GTSE1: variants seen among roughly 807,000 people sequenced by gnomAD.
GTSE1 encodes G2 and S-phase expressed 1, also known as G2 and S phase-expressed protein 1.
GTSE1 carries 52 observed loss-of-function variants against 60.5 expected under a neutral mutation model. That is an observed-to-expected ratio of 0.86 (90% CI 0.69 to 1.08). The LOEUF (loss-of-function observed/expected upper bound fraction) is 1.08, where lower values mean the gene tolerates loss of function less well. Ranked by LOEUF, GTSE1 falls within the 50% of genes least tolerant of loss-of-function variation. The probability of loss-of-function intolerance (pLI) is 0.00; values close to 1 mark genes in which losing one functional copy is unlikely to be tolerated. For missense variants in GTSE1, 937 were observed against 961.8 expected (o/e 0.97, Z 0.34); for synonymous variants, 368 against 386.5 (o/e 0.95, Z 0.56).
intron 8 of GTSE1, among the ~76,000 whole-genome samples, chr22:46,325,753 C>T (rs1366308134): frequency 6.6e-6 from 1 of 152,226 alleles, no homozygotes; most frequent in Non-Finnish European, 1.5e-5. Context: ...ACCTTGGGGG[C>T]TAGGATTTCA....
chr22:46,306,473 G>A (rs565289360), intron 2 of GTSE1, among the ~76,000 whole-genome samples: 1 of 147,438 alleles, frequency 6.8e-6, no homozygotes, highest in South Asian at 2.2e-4. Flanking sequence ...GAGCCATTGC[G>A]CCCAGCCTGT....
In GTSE1 at chr22:46,313,855, C is replaced by A; in HGVS notation, c.928-35C>A. 3 of 1,612,772 alleles carry A rather than the reference C, an allele frequency of 1.9e-6. No homozygotes were observed. The highest frequency in any genetic ancestry group is 1.7e-4 in the Middle Eastern group (1 of 6,056). On this transcript the variant is annotated intron_variant, in intron 5 of 11. Transcript: ENST00000454366. The surrounding 1 kb of genome is among the most constrained non-coding windows in gnomAD (Gnocchi z 4.4). ...ACAAGTAATAGGTAAATAACGAGAT[C>A]TTTGCTGATTCTGTTTTTTCACATT...
At position 46,329,505 on chromosome 22, in the gene GTSE1, C is replaced by G. The variant is rs2077864102; in HGVS notation, c.2074C>G (p.Leu692Val). 1 of 1,614,072 alleles carries G rather than the reference C, an allele frequency of 6.2e-7. No homozygotes were observed. Among genetic ancestry groups the G allele is most frequent in the African/African-American group, 1.3e-5 (1 of 74,926 alleles). The change falls in exon 11 of 12, where the codon CTC becomes GTC. Residue 692 changes from leucine (L) to valine (V), a missense_variant. By Grantham distance (32) the Leu-to-Val change is conservative. Coordinates refer to ENST00000454366, the MANE Select transcript of GTSE1 (RefSeq NM_016426.7). The surrounding 1 kb of genome is among the most constrained non-coding windows in gnomAD (Gnocchi z 6.4). ...VGSESRPLIDLMTNTPDMNKN... is the reference protein window; with the variant it reads ...VGSESRPLIDVMTNTPDMNKN... ...ATCTGAAAGCAGGCCTCTGATCGACCTCATGACAAACACTCCAGACATGAA... is the reference window on the plus strand; with the variant it reads ...ATCTGAAAGCAGGCCTCTGATCGACGTCATGACAAACACTCCAGACATGAA...
Position 46,309,310 on chromosome 22 carries a change from C to T in GTSE1, c.762+367C>T, listed in dbSNP as rs963307888. Among the ~76,000 whole-genome samples, 1 of 152,238 alleles carries T rather than the reference C, an allele frequency of 6.6e-6. No homozygotes were observed. ...CTTGACCGTGCCTCAGTTTACACTGCATTCCTCCTGGGCACTGAGTGAGGT... is the reference window on the plus strand; with the variant it reads ...CTTGACCGTGCCTCAGTTTACACTGTATTCCTCCTGGGCACTGAGTGAGGT... On this transcript the variant is annotated intron_variant, in intron 4 of 11. Coordinates refer to ENST00000454366, the MANE Select transcript of GTSE1 (RefSeq NM_016426.7). The surrounding 1 kb of genome is among the most constrained non-coding windows in gnomAD (Gnocchi z 6.2).
rs930793541 is a variant in GTSE1, at chr22:46,317,639, T to G, written c.1432+1227T>G. ...GATTTTGTTGTCTTTCTCTGAGGAG[T>G]TGGGTTGGGCTTGGCAGGCAGTTAA... On this transcript the variant is annotated intron_variant, in intron 7 of 11. Transcript: ENST00000454366. This position sits in a 1 kb window ranked among gnomAD's most constrained non-coding sequence, Gnocchi z 5.6. Among the ~76,000 whole-genome samples, 1 of 152,080 alleles carries G rather than the reference T, an allele frequency of 6.6e-6. No individual in the cohort carries two copies. Among genetic ancestry groups the G allele is most frequent in the Non-Finnish European group, 1.5e-5 (1 of 68,022 alleles).
intron 5 of GTSE1, 107 bp downstream of exon 5, chr22:46,312,412 G>A (rs1368807545): frequency 7.5e-6 from 8 of 1,072,704 alleles, no homozygotes; most frequent in Non-Finnish European, 8.0e-6. Context: ...GGCCAAGGTG[G>A]GAGGATCACT....
chr22:46,303,509 T>A (rs1303640540), intron 2 of GTSE1, among the ~76,000 whole-genome samples: 1 of 152,230 alleles, frequency 6.6e-6, no homozygotes, highest in East Asian at 1.9e-4. Flanking sequence ...GTGATCATGT[T>A]ACCTCCACAT....
intron 4 of GTSE1, among the ~76,000 whole-genome samples, chr22:46,311,541 A>T (rs2077748836): frequency 6.6e-6 from 1 of 152,224 alleles, no homozygotes; most frequent in African/African-American, 2.4e-5. Context: ...AAAGGGAAAA[A>T]GTTACTGCTG....
intron 2 of GTSE1, among the ~76,000 whole-genome samples, chr22:46,303,974 G>A (rs2077703228): frequency 6.6e-6 from 1 of 152,114 alleles, no homozygotes; most frequent in Admixed American, 6.6e-5. Context: ...CCCCTCTGCA[G>A]ACATATAGTT....
In GTSE1 at chr22:46,317,219, G is replaced by A. The variant is rs928697791; in HGVS notation, c.1432+807G>A. On this transcript the variant is annotated intron_variant, in intron 7 of 11. Transcript: ENST00000454366. The surrounding 1 kb of genome is among the most constrained non-coding windows in gnomAD (Gnocchi z 5.6). ...TGACCTCAAGTGACCCACCCATCTC[G>A]GCCTCTCAAACTGCTGGGATTATAG... 1.5e-4 allele frequency among the ~76,000 whole-genome samples: 23 copies of A among 152,040 alleles called. No homozygotes were observed. Among genetic ancestry groups the A allele is most frequent in the South Asian group, 4.1e-4 (2 of 4,820 alleles).
rs1485774626 is a variant in GTSE1 at position 46,321,041 on chromosome 22, G to A, written c.1433-2149G>A. On this transcript the variant is annotated intron_variant, in intron 7 of 11. Transcript: ENST00000454366. The surrounding 1 kb of genome is among the most constrained non-coding windows in gnomAD (Gnocchi z 4.0). The stretch of plus-strand genomic sequence containing the variant: ...AGGCGGCAAGGGAGAGGGAGGCGGC[G>A]AGGGAGAGAGAGGTGGGCTTGCCTC... Among the ~76,000 whole-genome samples, 1 of 151,966 alleles carries A rather than the reference G, an allele frequency of 6.6e-6. No homozygotes were observed. Among genetic ancestry groups the A allele is most frequent in the Admixed American group, 6.6e-5 (1 of 15,252 alleles).
Position 46,311,278 on chromosome 22 carries a change from A to G in GTSE1, c.763-863A>G, listed in dbSNP as rs568704405. 1.1e-3 allele frequency among the ~76,000 whole-genome samples: 162 copies of G among 152,088 alleles called. 1 individual carries two copies. The highest frequency in any genetic ancestry group is 3.8e-3 in the African/African-American group (157 of 41,492). ...TTTTTAGTAGAGACAGGGTTTCATC[A>G]TATTAGTCAGGCTGGTCTCAAACTC... is the stretch of plus-strand genomic sequence containing the variant. On this transcript the variant is annotated intron_variant, in intron 4 of 11. Transcript: ENST00000454366.
chr22:46,307,985 T>C (rs1224360917), intron 2 of GTSE1, among the ~76,000 whole-genome samples, 165 bp from the exon 3 acceptor site: 1 of 152,128 alleles, frequency 6.6e-6, no homozygotes. Flanking sequence ...GGAAAAAATA[T>C]AACTTAGAGC....
chr22:46,319,207 G>A lies in GTSE1; in HGVS notation c.1432+2795G>A, dbSNP rs553933080. ...CCGAGGCCGGCTCCCAGAGCGCCGC[G>A]TGACCAGAGCGGACCCTGGAGTACC... is the stretch of plus-strand genomic sequence containing the variant. On this transcript the variant is annotated intron_variant, in intron 7 of 11. Coordinates refer to ENST00000454366, the MANE Select transcript of GTSE1 (RefSeq NM_016426.7). The surrounding 1 kb of genome is among the most constrained non-coding windows in gnomAD (Gnocchi z 5.0). 1.2e-4 allele frequency among the ~76,000 whole-genome samples: 18 copies of A among 152,320 alleles called. No individual in the cohort carries two copies. Among genetic ancestry groups the A allele is most frequent in the African/African-American group, 3.1e-4 (13 of 41,586 alleles).
chr22:46,301,352 G>T (rs1252144108), intron 2 of GTSE1, among the ~76,000 whole-genome samples: 1 of 152,122 alleles, frequency 6.6e-6, no homozygotes, highest in African/African-American at 2.4e-5. Context: ...CTAGAGAGCT[G>T]TGATAATTTA....
rs1429110854 is a variant in GTSE1 at position 46,321,482 on chromosome 22, C to T, written c.1433-1708C>T. Among the ~76,000 whole-genome samples the T allele has an allele frequency of 3.3e-5, 5 of 152,148 alleles. No homozygotes were observed. Among genetic ancestry groups the T allele is most frequent in the African/African-American group, 4.8e-5 (2 of 41,448 alleles). ...GGAGCATGTTTGACTCAGCTGTGTG[C>T]GAGCTGCGCGCCTCTCCAGTGCTGG... is the stretch of plus-strand genomic sequence containing the variant. On this transcript the variant is annotated intron_variant, in intron 7 of 11. Coordinates refer to ENST00000454366, the MANE Select transcript of GTSE1 (RefSeq NM_016426.7). The surrounding 1 kb of genome is among the most constrained non-coding windows in gnomAD (Gnocchi z 4.0).
At chr22:46,312,027 G>T (rs6008613) in intron 4 of GTSE1, 114 bp from the exon 5 acceptor site, 82,950 of 778,792 alleles carry the variant, frequency 0.11, 5,869 homozygotes, top group African/African-American at 0.29. Flanking sequence ...GAATGGAGGG[G>T]CATGTGTAGC....
rs2077759514 is a variant in GTSE1 at position 46,313,305 on chromosome 22, A to G, written c.928-585A>G. ...GTGTGTACTGGCAGTTCTTGTTAGA[A>G]CTGCCCAAAGCTGGGCCCTGCAGCT... is the stretch of plus-strand genomic sequence containing the variant. On this transcript the variant is annotated intron_variant, in intron 5 of 11. Transcript: ENST00000454366. The surrounding 1 kb of genome is among the most constrained non-coding windows in gnomAD (Gnocchi z 4.4). Among the ~76,000 whole-genome samples, 1 of 152,022 alleles carries G rather than the reference A, an allele frequency of 6.6e-6. No homozygotes were observed. The highest frequency in any genetic ancestry group is 6.6e-5 in the Admixed American group (1 of 15,266).
At chr22:46,325,541 G>T (rs1243383366) in intron 8 of GTSE1, among the ~76,000 whole-genome samples, 2 of 152,190 alleles carry the variant, frequency 1.3e-5, no homozygotes, top group African/African-American at 4.8e-5. Flanking sequence ...TGTTGCCCAG[G>T]CTGGAGTGCA....
Sources: gnomAD v4.1 joint callset for allele counts (sites outside exome capture counted in the v4.1 genomes callset) on GRCh38, gnomAD v4.1.1 for gene constraint, Gnocchi (gnomAD v3.1) non-coding constraint, MANE v1.5 for transcripts, NCBI Gene and HGNC (gene_info 2026-07-23, HGNC 2026-07-21) for gene names.